VPS13D: variants seen among roughly 807,000 people sequenced by gnomAD.
VPS13D encodes the protein vacuolar protein sorting 13 homolog D.
Under a neutral mutation model 461.9 loss-of-function variants are expected in VPS13D, and 187 were observed. That is an observed-to-expected ratio of 0.40 (90% CI 0.36 to 0.46). VPS13D has a LOEUF of 0.46. Ranked by LOEUF, VPS13D falls within the 20% of genes least tolerant of loss-of-function variation. The pLI is 0.60. For missense variants in VPS13D, 4,711 were observed against 5,364.9 expected (o/e 0.88, Z 3.81); for synonymous variants, 1,951 against 1,986.3 (o/e 0.98, Z 0.47).
intron 65 of VPS13D, among the ~76,000 whole-genome samples, chr1:12,445,018 AT>A (rs1645175693): frequency 1.3e-5 from 2 of 152,292 alleles, no homozygotes; most frequent in South Asian, 4.1e-4. Flanking sequence ...AGGGACTTGT[AT>A]TTTTGAAAGG....
intron 61 of VPS13D, among the ~76,000 whole-genome samples, chr1:12,400,782 A>G (rs975175095): frequency 6.6e-6 from 1 of 152,052 alleles, no homozygotes; most frequent in Non-Finnish European, 1.5e-5. Context: ...GTGAAACCTC[A>G]TTTCTATAAA....
At chr1:12,336,736 T>A (rs1178128274) in intron 39 of VPS13D, 6 of 152,266 alleles carry the variant, frequency 3.9e-5, no homozygotes, top group African/African-American at 1.4e-4. Flanking sequence ...GCTTGTTCTC[T>A]GTTTTCCCAG....
intron 65 of VPS13D, 143 bp downstream of exon 65, chr1:12,416,970 C>T: frequency 1.2e-6 from 1 of 823,868 alleles, no homozygotes; most frequent in Non-Finnish European, 1.8e-6. Flanking sequence ...CTTTTCCTCA[C>T]CTCCAGTCAC....
chr1:12,481,801 G>A (rs967611672), intron 67 of VPS13D, among the ~76,000 whole-genome samples: 2 of 152,206 alleles, frequency 1.3e-5, no homozygotes, highest in Admixed American at 6.5e-5. Flanking sequence ...CAGCTGGGGA[G>A]CCTCAAAACC....
chr1:12,374,694 C>T (rs1644173115), intron 55 of VPS13D, among the ~76,000 whole-genome samples: 1 of 152,190 alleles, frequency 6.6e-6, no homozygotes, highest in East Asian at 1.9e-4. Flanking sequence ...TTTTATTCAG[C>T]GTGTTATCTG....
intron 65 of VPS13D, among the ~76,000 whole-genome samples, chr1:12,424,755 A>G (rs979167321): frequency 1.3e-5 from 2 of 152,360 alleles, no homozygotes; most frequent in South Asian, 2.1e-4. Flanking sequence ...ATGGTAGTTC[A>G]GTTAAGAACA....
chr1:12,428,729 C>T (rs1283448789), intron 65 of VPS13D, among the ~76,000 whole-genome samples: 48 of 152,288 alleles, frequency 3.2e-4, no homozygotes, highest in South Asian at 2.1e-4. Context: ...CCAGATTTTA[C>T]CTTGAAGTGT....
rs568683517 is a variant in VPS13D at position 12,371,241 on chromosome 1, A to G, written c.10808+1539A>G. Among the ~76,000 whole-genome samples, 3 of 152,088 alleles carry G rather than the reference A, an allele frequency of 2.0e-5. No individual in the cohort carries two copies. In the East Asian group the frequency reaches 5.8e-4, roughly 29 times the overall value. On this transcript the variant is annotated intron_variant, in intron 54 of 69. Transcript: ENST00000620676. ...TCCCTGTCTCCAGCCGCAGGAAACC[A>G]CCCATCTGCTTTTGGTCTCTATGGG...
At chr1:12,493,641 T>C (rs1008034347) in intron 67 of VPS13D, among the ~76,000 whole-genome samples, 1 of 152,228 alleles carries the variant, frequency 6.6e-6, no homozygotes, top group Non-Finnish European at 1.5e-5. Context: ...AAAGGCCTAC[T>C]TGAACGTACA....
intron 65 of VPS13D, among the ~76,000 whole-genome samples, chr1:12,433,361 C>T (rs1287963049): frequency 6.6e-6 from 1 of 152,194 alleles, no homozygotes. Context: ...ATGGTCCCTG[C>T]TGGCGCCATT....
intron 22 of VPS13D, 35 bp downstream of exon 22, chr1:12,288,348 A>G (rs1438361631): frequency 1.0e-5 from 16 of 1,577,422 alleles, no homozygotes; most frequent in Non-Finnish European, 1.4e-5. Context: ...GCAAACTTGC[A>G]AAATCTGGTC....
In VPS13D at chr1:12,400,232, C is replaced by G; in HGVS notation, c.11686C>G (p.Pro3896Ala). 1 of 1,614,110 alleles carries G rather than the reference C, an allele frequency of 6.2e-7. No individual in the cohort carries two copies. The highest frequency in any genetic ancestry group is 1.6e-4 in the Middle Eastern group (1 of 6,062). ...TTQPFMLYVTPLSNENEVIET... is the reference protein window; with the variant it reads ...TTQPFMLYVTALSNENEVIET... ...GCAGCCCTTCATGCTCTATGTGACT[C>G]CCCTGAGCAATGAGAATGAGGTCAT... is the stretch of plus-strand genomic sequence containing the variant. The change falls in exon 61 of 70, where the codon CCC (proline) becomes GCC (alanine). Residue 3896 changes from proline (P) to alanine (A), a missense_variant. Physicochemically the swap from Pro to Ala is conservative, Grantham distance 27. Around this residue, in one of 3 missense-constraint regions of VPS13D, gnomAD observed 4,411 missense variants for 4,937.8 expected, o/e 0.89. Transcript: ENST00000620676.
At position 12,277,918 on chromosome 1, in the gene VPS13D, G is replaced by A; in HGVS notation, c.4330G>A (p.Ala1444Thr). The A allele has an allele frequency of 1.2e-6, 2 of 1,614,200 alleles. No individual in the cohort carries two copies. Among genetic ancestry groups the A allele is most frequent in the South Asian group, 2.2e-5 (2 of 91,080 alleles). ...LNCTQLAGRE[A>T]VGSEGSRMFC... ...TTGCACCCAGTTGGCAGGTAGAGAA[G>A]CTGTTGGGTCTGAAGGAAGCCGGAT... The change falls in exon 19 of 70, where the codon GCT (alanine) becomes ACT (threonine). Residue 1444 changes from alanine to threonine, a missense_variant. Physicochemically the swap from Ala to Thr is moderately conservative, Grantham distance 58. This residue lies in a region of VPS13D where 4,411 missense variants were observed against 4,937.8 expected (regional missense o/e 0.89). Coordinates refer to ENST00000620676, the MANE Select transcript of VPS13D (RefSeq NM_015378.4).
At chr1:12,461,353 G>C (rs1267442109) in intron 67 of VPS13D, among the ~76,000 whole-genome samples, 1 of 152,170 alleles carries the variant, frequency 6.6e-6, no homozygotes, top group East Asian at 1.9e-4. Flanking sequence ...CTGTCACCAG[G>C]AAAACTTACT....
At chr1:12,312,042 G>GATA in intron 29 of VPS13D, 117 bp downstream of exon 29, 1 of 676,546 alleles carries the variant, frequency 1.5e-6, no homozygotes, top group Non-Finnish European at 2.3e-6. Context: ...AATGTTGTCT[G>GATA]CAGAGTGTCT....
chr1:12,369,382 A>G, intron 53 of VPS13D, 85 bp from the exon 54 acceptor site: 1 of 1,216,610 alleles, frequency 8.2e-7, no homozygotes, highest in South Asian at 1.4e-5. Flanking sequence ...AGGATTTGGA[A>G]CTTAAACCTA....
intron 5 of VPS13D, among the ~76,000 whole-genome samples, chr1:12,248,027 A>G (rs1373947311): frequency 6.6e-6 from 1 of 151,212 alleles, no homozygotes; most frequent in Non-Finnish European, 1.5e-5. Flanking sequence ...AGCTGAGACT[A>G]CAGGTGCCTG....
chr1:12,282,600 T>C, intron 20 of VPS13D, 105 bp from the exon 21 acceptor site: 1 of 1,124,338 alleles, frequency 8.9e-7, no homozygotes, highest in Admixed American at 2.3e-5. Context: ...TCAGGTAACT[T>C]ACAGCCTCAT....
intron 67 of VPS13D, among the ~76,000 whole-genome samples, chr1:12,496,911 C>T (rs1570285398): frequency 6.6e-6 from 1 of 152,130 alleles, no homozygotes; most frequent in Non-Finnish European, 1.5e-5. Context: ...AGGGGGCATT[C>T]TTCCCCTCGC....
Sources: allele counts gnomAD v4.1 joint callset (sites outside exome capture counted in the v4.1 genomes callset), GRCh38; gene constraint gnomAD v4.1.1; regional missense constraint gnomAD v4.1.1; transcripts MANE v1.5; gene names NCBI Gene and HGNC (gene_info 2026-07-23, HGNC 2026-07-21).